Variants in GON4L observed in about 807,000 individuals in gnomAD.
The protein encoded by GON4L is gon-4 like.
In GON4L, 87 loss-of-function variants were observed where a neutral mutation model predicts 211.8. The ratio of observed to expected loss-of-function variants is 0.41; its 90% confidence interval spans 0.35 to 0.49. The LOEUF (loss-of-function observed/expected upper bound fraction) is 0.49, where lower values mean the gene tolerates loss of function less well. Ranked by LOEUF, GON4L falls within the 20% of genes least tolerant of loss-of-function variation. GON4L has a pLI of 0.15. For synonymous variants in GON4L, 875 were observed against 962.6 expected, an observed-to-expected ratio of 0.91 and a Z score of 1.68; for missense variants, 2,155 against 2,659.5, an observed-to-expected ratio of 0.81 and a Z score of 4.17.
At chr1:155,851,052 C>CAAA (rs55815558) in intron 2 of GON4L, among the ~76,000 whole-genome samples, 22 of 78,402 alleles carry the variant, frequency 2.8e-4, no homozygotes, top group South Asian at 2.6e-3. Flanking sequence ...GACTCCACCT[C>CAAA]AAAAAAAAAA....
chr1:155,754,799 G>A (rs916551352), intron 27 of GON4L, among the ~76,000 whole-genome samples: 1 of 151,368 alleles, frequency 6.6e-6, no homozygotes, highest in Non-Finnish European at 1.5e-5. Flanking sequence ...AAAGTGCTAG[G>A]ATTACAGGCA....
intron 12 of GON4L, among the ~76,000 whole-genome samples, chr1:155,794,560 C>T (rs1185447136): frequency 6.6e-6 from 1 of 152,100 alleles, no homozygotes; most frequent in Non-Finnish European, 1.5e-5. Flanking sequence ...TCCTCTCTGT[C>T]CCTATTCACC....
At chr1:155,843,048 C>T (rs1670925845) in intron 2 of GON4L, among the ~76,000 whole-genome samples, 1 of 152,222 alleles carries the variant, frequency 6.6e-6, no homozygotes, top group East Asian at 1.9e-4. Context: ...ATGACCTACA[C>T]CTGCAAACCT....
At chr1:155,845,432 G>C in intron 2 of GON4L, 2 of 346,904 alleles carry the variant, frequency 5.8e-6, no homozygotes, top group Non-Finnish European at 1.2e-5. Flanking sequence ...GCTCAATGTG[G>C]TGGATCATTT....
chr1:155,774,283 CAGTA>C (rs1663528951), intron 17 of GON4L, among the ~76,000 whole-genome samples: 1 of 150,302 alleles, frequency 6.7e-6, no homozygotes, highest in Non-Finnish European at 1.5e-5. Flanking sequence ...ATGCTGCAGT[CAGTA>C]TGGTAAATAA....
chr1:155,786,885 G>C (rs1464957166), intron 12 of GON4L, among the ~76,000 whole-genome samples: 1 of 151,982 alleles, frequency 6.6e-6, no homozygotes, highest in African/African-American at 2.4e-5. Flanking sequence ...TGGGATTACA[G>C]GTGTGAGCCA....
chr1:155,782,719 C>G (rs916030033), intron 14 of GON4L, among the ~76,000 whole-genome samples: 1 of 151,904 alleles, frequency 6.6e-6, no homozygotes, highest in African/African-American at 2.4e-5. Flanking sequence ...GTCAAGCAGG[C>G]TGTCATCTCA....
intron 3 of GON4L, among the ~76,000 whole-genome samples, chr1:155,825,521 G>C (rs1160913132): frequency 2.0e-5 from 3 of 148,828 alleles, no homozygotes; most frequent in Non-Finnish European, 4.4e-5. Context: ...GCAGTGAGCC[G>C]AGATTGCGCT....
At chr1:155,796,553 C>T in intron 11 of GON4L, among the ~76,000 whole-genome samples, 1 of 152,106 alleles carries the variant, frequency 6.6e-6, no homozygotes, top group East Asian at 1.9e-4. Context: ...GCTAGGATTA[C>T]AGGAGTGAAC....
intron 14 of GON4L, among the ~76,000 whole-genome samples, chr1:155,780,366 T>C (rs1664298279): frequency 6.6e-6 from 1 of 151,872 alleles, no homozygotes; most frequent in East Asian, 2.0e-4. Flanking sequence ...CCAAGGCAGG[T>C]GGATCACTTT....
At chr1:155,813,879 G>C (rs1040181232) in intron 9 of GON4L, 75 bp from the exon 10 acceptor site, 1 of 1,295,918 alleles carries the variant, frequency 7.7e-7, no homozygotes, top group African/African-American at 1.5e-5. Context: ...AGGAAAAAAA[G>C]AGAGGGAAAA....
rs781167276 is a variant in GON4L at position 155,766,145 on chromosome 1, A to G, written c.3328T>C (p.Phe1110Leu). The G allele has an allele frequency of 1.2e-6, 2 of 1,614,052 alleles. No homozygotes were observed. Among genetic ancestry groups the G allele is most frequent in the South Asian group, 2.2e-5 (2 of 91,066 alleles). ...VMLPSLAPSK[F>L]RKPYVRRRPS... ...CTCCGTCTCACATATGGCTTTCGAA[A>G]CTTAGAAGGGGCAAGGGAGGGCAGC... Residue 1110 changes from phenylalanine to leucine, a missense_variant, in exon 21 of 32, where the codon TTT (phenylalanine) becomes CTT (leucine). Phe to Leu is a conservative substitution (Grantham distance 22). Coordinates refer to ENST00000368331, the MANE Select transcript of GON4L (RefSeq NM_001282860.2).
At chr1:155,824,900 C>T (rs1250886539) in intron 3 of GON4L, among the ~76,000 whole-genome samples, 1 of 151,730 alleles carries the variant, frequency 6.6e-6, no homozygotes, top group Non-Finnish European at 1.5e-5. Context: ...CCTGTAATCC[C>T]AGCACTTTGA....
At position 155,812,713 on chromosome 1, in the gene GON4L, A is replaced by T. The variant is rs530771009; in HGVS notation, c.1452+921T>A. Among the ~76,000 whole-genome samples, 6 of 152,042 alleles carry T rather than the reference A, an allele frequency of 3.9e-5. No homozygotes were observed. In the East Asian group the frequency reaches 9.7e-4, roughly 25 times the overall value. On this transcript the variant is annotated intron_variant, in intron 10 of 31. Coordinates refer to ENST00000368331, the MANE Select transcript of GON4L (RefSeq NM_001282860.2). ...TGGGATTACAGGCATGCGCCACGAC[A>T]CCTGGCAAATTTTTGTATTTTCAGT... is the stretch of plus-strand genomic sequence containing the variant.
chr1:155,845,979 T>C (rs556187880), intron 2 of GON4L: 5 of 211,712 alleles, frequency 2.4e-5, no homozygotes, highest in African/African-American at 1.2e-4. Flanking sequence ...AACTCCAAGC[T>C]TCTGGGTACC....
intron 25 of GON4L, 45 bp downstream of exon 25, chr1:155,757,846 A>G (rs1292082598): frequency 6.3e-5 from 13 of 206,742 alleles, no homozygotes; most frequent in South Asian, 6.3e-4. Context: ...GGAAAGGCCT[A>G]AGGCCCGGAA....
chr1:155,775,256 G>C, intron 16 of GON4L, 83 bp from the exon 17 acceptor site: 1 of 1,564,324 alleles, frequency 6.4e-7, no homozygotes, highest in Non-Finnish European at 8.8e-7. Context: ...ATGAGAAGCT[G>C]ACCTTCCTAC....
At chr1:155,775,984 T>G (rs1571701729) in intron 16 of GON4L, among the ~76,000 whole-genome samples, 1 of 152,018 alleles carries the variant, frequency 6.6e-6, no homozygotes, top group Non-Finnish European at 1.5e-5. Flanking sequence ...GCTTTCGGCA[T>G]GTTGCCCCAG....
chr1:155,809,796 A>G (rs1194522217), intron 10 of GON4L, among the ~76,000 whole-genome samples: 1 of 41,360 alleles, frequency 2.4e-5, no homozygotes, highest in African/African-American at 6.1e-5. Context: ...ATACTTATAT[A>G]TAATTATAAA....
Sources: allele counts gnomAD v4.1 joint callset (sites outside exome capture counted in the v4.1 genomes callset), GRCh38; gene constraint gnomAD v4.1.1; transcripts MANE v1.5; gene names NCBI Gene and HGNC (gene_info 2026-07-23, HGNC 2026-07-21).